KCNN2: variants seen among roughly 807,000 people sequenced by gnomAD.
The protein encoded by KCNN2 is small conductance calcium-activated potassium channel protein 2.
A neutral mutation model predicts 55.5 loss-of-function variants in KCNN2; 24 were observed. That is an observed-to-expected ratio of 0.43 (90% CI 0.31 to 0.61). KCNN2 has a LOEUF of 0.61. Ranked by LOEUF, KCNN2 falls within the 20% of genes least tolerant of loss-of-function variation. KCNN2 has a pLI of 0.08. For synonymous variants in KCNN2, 431 were observed against 336.1 expected, an observed-to-expected ratio of 1.28 and a Z score of -3.09; for missense variants, 754 against 853.6, an observed-to-expected ratio of 0.88 and a Z score of 1.45.
chr5:114,486,967 G>C, intron 5 of KCNN2, 83 bp from the exon 6 acceptor site: 1 of 1,484,776 alleles, frequency 6.7e-7, no homozygotes, highest in East Asian at 2.3e-5. Context: ...CATGATCCTT[G>C]GGATGAAGAC....
intron 1 of KCNN2, among the ~76,000 whole-genome samples, chr5:114,144,025 C>T (rs753062012): frequency 5.3e-5 from 8 of 152,116 alleles, no homozygotes; most frequent in Non-Finnish European, 1.2e-4. Flanking sequence ...TTAGATAACC[C>T]GTCAGATATA....
At chr5:114,286,164 T>G (rs1253812452) in intron 2 of KCNN2, among the ~76,000 whole-genome samples, 2 of 152,144 alleles carry the variant, frequency 1.3e-5, no homozygotes, top group Non-Finnish European at 2.9e-5. Context: ...CCTTCCTAAT[T>G]TAGCTTCAGG....
At chr5:114,270,143 A>G (rs80294761) in intron 2 of KCNN2, among the ~76,000 whole-genome samples, 14,389 of 152,220 alleles carry the variant, frequency 0.095, 930 homozygotes, top group African/African-American at 0.18. Flanking sequence ...AAAGAATTTT[A>G]TAGTAATTGT....
chr5:114,348,592 A>G (rs956611947), intron 2 of KCNN2, among the ~76,000 whole-genome samples: 3 of 152,146 alleles, frequency 2.0e-5, no homozygotes, highest in Non-Finnish European at 4.4e-5. Flanking sequence ...TCTAATTTCC[A>G]CAATTAAAAT....
intron 2 of KCNN2, among the ~76,000 whole-genome samples, chr5:114,247,267 T>C (rs1051685272): frequency 8.3e-5 from 12 of 145,420 alleles, no homozygotes; most frequent in Non-Finnish European, 1.8e-4. Context: ...ATAAGAGATA[T>C]CTGTGCTGAC....
chr5:114,197,706 T>C (rs1283443704), intron 1 of KCNN2, among the ~76,000 whole-genome samples: 2 of 152,086 alleles, frequency 1.3e-5, no homozygotes, highest in East Asian at 1.9e-4. Context: ...GAATGAGAAA[T>C]GCCAGCAGCC....
chr5:114,488,238 C>G (rs1369468456), intron 6 of KCNN2, among the ~76,000 whole-genome samples: 5 of 152,130 alleles, frequency 3.3e-5, no homozygotes, highest in Non-Finnish European at 7.4e-5. Flanking sequence ...GAAATTAAAA[C>G]TCAAGTATCC....
At chr5:114,265,924 G>C (rs1388260173) in intron 2 of KCNN2, among the ~76,000 whole-genome samples, 1 of 152,156 alleles carries the variant, frequency 6.6e-6, no homozygotes, top group Non-Finnish European at 1.5e-5. Flanking sequence ...GATTGGAGAA[G>C]ACAGGGCTGA....
chr5:114,147,755 AT>A (rs781558904), intron 1 of KCNN2, among the ~76,000 whole-genome samples: 12 of 152,178 alleles, frequency 7.9e-5, no homozygotes, highest in Non-Finnish European at 1.3e-4. Context: ...TCACCTAGTA[AT>A]TTTTGAAAAT....
At chr5:114,243,391 A>G (rs1156267666) in intron 2 of KCNN2, among the ~76,000 whole-genome samples, 1 of 152,190 alleles carries the variant, frequency 6.6e-6, no homozygotes, top group East Asian at 1.9e-4. Flanking sequence ...TAAACAATTC[A>G]TAAGTTTTAA....
At chr5:114,346,895 A>G (rs755929217) in intron 2 of KCNN2, among the ~76,000 whole-genome samples, 1 of 152,188 alleles carries the variant, frequency 6.6e-6, no homozygotes, top group East Asian at 1.9e-4. Flanking sequence ...TGTTCAAAAA[A>G]TAATGGGGGA....
At chr5:114,280,313 C>G (rs1053288362) in intron 2 of KCNN2, among the ~76,000 whole-genome samples, 16 of 152,174 alleles carry the variant, frequency 1.1e-4, no homozygotes, top group African/African-American at 3.9e-4. Context: ...AATTAGACCC[C>G]ATTTGTCAAT....
At chr5:114,403,729 T>C (rs1054745447) in intron 2 of KCNN2, among the ~76,000 whole-genome samples, 1 of 152,234 alleles carries the variant, frequency 6.6e-6, no homozygotes. Context: ...GGTTTTTTCT[T>C]CTTAAAAAAT....
chr5:114,143,654 A>G (rs1752335828), intron 1 of KCNN2, among the ~76,000 whole-genome samples: 1 of 152,204 alleles, frequency 6.6e-6, no homozygotes, highest in African/African-American at 2.4e-5. Context: ...CCGTGACTGC[A>G]CGTCCATTCA....
Position 114,493,454 on chromosome 5 carries a change from T to C in KCNN2, c.2070T>C (p.Thr690=). The C allele has an allele frequency of 9.3e-6, 15 of 1,610,768 alleles. No homozygotes were observed. Among genetic ancestry groups the C allele is most frequent in the Non-Finnish European group, 1.3e-5 (15 of 1,177,082 alleles). ...GGAAACTGAATGACCAAGCAAACAC[T>C]TTGGTGGACTTGGCAAAGGTAAGCC... ...EQRKLNDQAN[T]LVDLAKTQNI... Residue 690 remains threonine, a synonymous_variant, in exon 7 of 8, where the codon ACT becomes ACC. Coordinates refer to ENST00000673685, the MANE Select transcript of KCNN2 (RefSeq NM_021614.4).
intron 4 of KCNN2, among the ~76,000 whole-genome samples, chr5:114,472,600 T>C (rs1761798554): frequency 6.6e-6 from 1 of 152,186 alleles, no homozygotes; most frequent in African/African-American, 2.4e-5. Flanking sequence ...TCCTGGTGCA[T>C]TGCAGTTGAT....
intron 2 of KCNN2, among the ~76,000 whole-genome samples, chr5:114,232,899 A>AGAGGTAATTT (rs1199632907): frequency 6.9e-6 from 1 of 144,696 alleles, no homozygotes; most frequent in Non-Finnish European, 1.5e-5. Context: ...ACTGATTTTC[A>AGAGGTAATTT]GAGGTAATTT....
chr5:114,347,999 AACT>A (rs1265883618), intron 2 of KCNN2, among the ~76,000 whole-genome samples: 1 of 152,112 alleles, frequency 6.6e-6, no homozygotes, highest in African/African-American at 2.4e-5. Flanking sequence ...GACCCTTGCT[AACT>A]ACACAGTGCC....
At chr5:114,302,611 C>A (rs1379659254) in intron 2 of KCNN2, among the ~76,000 whole-genome samples, 2 of 152,072 alleles carry the variant, frequency 1.3e-5, no homozygotes, top group Non-Finnish European at 2.9e-5. Flanking sequence ...AACACTGCAT[C>A]CCTCTTAGAG....
Sources: allele counts gnomAD v4.1 joint callset (sites outside exome capture counted in the v4.1 genomes callset), GRCh38; gene constraint gnomAD v4.1.1; transcripts MANE v1.5; gene names NCBI Gene and HGNC (gene_info 2026-07-23, HGNC 2026-07-21).